Variants in NRXN3 observed in about 807,000 individuals in gnomAD.
NRXN3 encodes the protein neurexin 3.
Under a neutral mutation model 137.6 loss-of-function variants are expected in NRXN3, and 32 were observed. That is an observed-to-expected ratio of 0.23 (90% CI 0.18 to 0.31). NRXN3 has a LOEUF of 0.31. Ranked by LOEUF, NRXN3 falls within the 10% of genes least tolerant of loss-of-function variation. NRXN3 has a pLI of 1.00. For synonymous variants in NRXN3, 798 were observed against 784.5 expected (o/e 1.02, Z -0.29); for missense variants, 1,574 against 2,062.5 (o/e 0.76, Z 4.59).
intron 10 of NRXN3, among the ~76,000 whole-genome samples, chr14:78,858,826 C>A (rs2099064593): frequency 6.6e-6 from 1 of 152,126 alleles, no homozygotes; most frequent in South Asian, 2.1e-4. Flanking sequence ...TATGTGAGCT[C>A]ATTTTCTTTC....
chr14:78,276,283 C>T (rs66996565), intron 2 of NRXN3, among the ~76,000 whole-genome samples: 4,369 of 152,258 alleles, frequency 0.029, 82 homozygotes, highest in African/African-American at 0.047. Flanking sequence ...TGTTCGCCCC[C>T]TCACTTCACA....
At chr14:79,301,262 T>C (rs1173263773) in intron 15 of NRXN3, among the ~76,000 whole-genome samples, 2 of 152,076 alleles carry the variant, frequency 1.3e-5, no homozygotes, top group African/African-American at 4.8e-5. Context: ...TGTGATTGAC[T>C]GTGGCTGAGT....
chr14:78,447,365 G>A (rs546177734), intron 4 of NRXN3, among the ~76,000 whole-genome samples: 90 of 152,156 alleles, frequency 5.9e-4, no homozygotes, highest in Admixed American at 1.7e-3. Flanking sequence ...TTTAATTTAC[G>A]GAGGCACCCT....
intron 15 of NRXN3, among the ~76,000 whole-genome samples, chr14:79,323,041 C>T (rs942831848): frequency 6.6e-6 from 1 of 152,032 alleles, no homozygotes; most frequent in African/African-American, 2.4e-5. Flanking sequence ...GTGACTTTTT[C>T]TTTTTTAAAT....
At chr14:79,641,066 G>A (rs1204461782) in intron 16 of NRXN3, among the ~76,000 whole-genome samples, 6 of 133,702 alleles carry the variant, frequency 4.5e-5, no homozygotes, top group African/African-American at 1.5e-4. Context: ...GGAGTGCAGT[G>A]GTACAATCTC....
At chr14:79,189,768 C>A (rs1034326590) in intron 15 of NRXN3, among the ~76,000 whole-genome samples, 4 of 152,102 alleles carry the variant, frequency 2.6e-5, no homozygotes, top group Non-Finnish European at 4.4e-5. Context: ...TGAGTGCAAT[C>A]CTACATTATT....
chr14:78,325,700 A>G (rs1326541241), intron 4 of NRXN3, among the ~76,000 whole-genome samples: 1 of 152,016 alleles, frequency 6.6e-6, no homozygotes, highest in Non-Finnish European at 1.5e-5. Context: ...CAGGGGATCT[A>G]GATTCTTTCC....
intron 15 of NRXN3, among the ~76,000 whole-genome samples, chr14:79,316,810 A>T (rs1176472398): frequency 1.3e-5 from 2 of 151,578 alleles, no homozygotes; most frequent in Non-Finnish European, 2.9e-5. Flanking sequence ...GGGAATTTAG[A>T]AGTTTTCCTA....
At chr14:79,234,293 AATATATATATATATATAT>A (rs71131687) in intron 15 of NRXN3, among the ~76,000 whole-genome samples, 1,753 of 56,196 alleles carry the variant, frequency 0.031, 87 homozygotes, top group African/African-American at 0.084. Flanking sequence ...TTCAATGGTA[AATATATATATATATATAT>A]ATATATATAT....
At chr14:78,179,834 G>GTTTTTTTTTTTTTTTTTTTTTTTTTC (rs1325344906) in intron 1 of NRXN3, among the ~76,000 whole-genome samples, 1 of 111,394 alleles carries the variant, frequency 9.0e-6, no homozygotes, top group African/African-American at 3.5e-5. Flanking sequence ...GTTTGTTTCT[G>GTTTTTTTTTTTTTTTTTTTTTTTTTC]TTTTTTTGTT....
intron 16 of NRXN3, among the ~76,000 whole-genome samples, chr14:79,498,944 C>T (rs1190795199): frequency 6.6e-6 from 1 of 152,118 alleles, no homozygotes; most frequent in African/African-American, 2.4e-5. Flanking sequence ...ACCATTATGC[C>T]CAGTTAACTT....
At chr14:78,642,085 A>G (rs1448771297) in intron 4 of NRXN3, among the ~76,000 whole-genome samples, 1 of 152,226 alleles carries the variant, frequency 6.6e-6, no homozygotes, top group African/African-American at 2.4e-5. Context: ...ATGGTTTGTC[A>G]GTCAATGCAC....
At chr14:78,706,524 T>C (rs1300646864) in intron 6 of NRXN3, among the ~76,000 whole-genome samples, 1 of 152,172 alleles carries the variant, frequency 6.6e-6, no homozygotes, top group East Asian at 1.9e-4. Flanking sequence ...GGGGCCCAAA[T>C]GCCTAGGTTC....
intron 16 of NRXN3, among the ~76,000 whole-genome samples, chr14:79,622,151 T>A (rs900515847): frequency 6.6e-6 from 1 of 152,132 alleles, no homozygotes; most frequent in Non-Finnish European, 1.5e-5. Context: ...ATGGTTTAGC[T>A]CATAGTCCAT....
chr14:78,654,311 C>T (rs1388866006), intron 6 of NRXN3, among the ~76,000 whole-genome samples: 1 of 152,186 alleles, frequency 6.6e-6, no homozygotes, highest in Non-Finnish European at 1.5e-5. Flanking sequence ...CCTTCCTTTT[C>T]CTCTTGCTGC....
chr14:78,760,831 CA>C (rs976706978), intron 8 of NRXN3, among the ~76,000 whole-genome samples: 2 of 151,912 alleles, frequency 1.3e-5, no homozygotes, highest in Non-Finnish European at 2.9e-5. Flanking sequence ...TTTGAGGAGG[CA>C]AAAATGGTTG....
intron 14 of NRXN3, among the ~76,000 whole-genome samples, chr14:78,983,873 GA>G (rs947806463): frequency 3.8e-5 from 5 of 130,692 alleles, no homozygotes; most frequent in Admixed American, 2.3e-4. Flanking sequence ...AAAAAAAAAA[GA>G]AAAAAAAAGA....
At chr14:78,876,998 A>G (rs543549917) in intron 10 of NRXN3, among the ~76,000 whole-genome samples, 2 of 152,312 alleles carry the variant, frequency 1.3e-5, no homozygotes, top group Admixed American at 1.3e-4. Flanking sequence ...CTACCCCAAG[A>G]TCCTTTCCCA....
At chr14:78,805,838 T>G (rs1319333368) in intron 9 of NRXN3, among the ~76,000 whole-genome samples, 2 of 152,106 alleles carry the variant, frequency 1.3e-5, no homozygotes, top group Non-Finnish European at 2.9e-5. Flanking sequence ...TCTCACATCT[T>G]AGAAGGAAAA....
Sources: gnomAD v4.1 joint callset for allele counts (sites outside exome capture counted in the v4.1 genomes callset) on GRCh38, gnomAD v4.1.1 for gene constraint, MANE v1.5 for transcripts, NCBI Gene and HGNC (gene_info 2026-07-23, HGNC 2026-07-21) for gene names.